AGAP1: variants seen among roughly 807,000 people sequenced by gnomAD.
AGAP1 encodes the protein ArfGAP with GTPase domain, ankyrin repeat and PH domain 1, also known as arf-GAP with GTPase, ANK repeat and PH domain-containing protein 1.
A neutral mutation model predicts 105.3 loss-of-function variants in AGAP1; 29 were observed. The observed-to-expected ratio is 0.28, with a 90% CI of 0.21 to 0.38. The LOEUF is 0.38. Among genes scored for constraint, AGAP1 ranks in the 10% least tolerant of loss-of-function variants. The pLI, the probability that AGAP1 is intolerant of heterozygous loss-of-function variation, is 1.00. For missense variants in AGAP1, 998 were observed against 1,165.1 expected, an observed-to-expected ratio of 0.86 and a Z score of 2.09; for synonymous variants, 509 against 485.9, an observed-to-expected ratio of 1.05 and a Z score of -0.63.
chr2:235,686,654 TATATA>T (rs1559351075), intron 1 of AGAP1, among the ~76,000 whole-genome samples: 20 of 63,302 alleles, frequency 3.2e-4, no homozygotes, highest in African/African-American at 5.0e-4. Flanking sequence ...TAGATATATA[TATATA>T]TATATATTTT....
rs1295357056 is a variant in AGAP1 at position 235,606,492 on chromosome 2, TATCAC to T, written c.164-102683_164-102679del. On this transcript the variant is annotated intron_variant, in intron 1 of 17. Coordinates refer to ENST00000304032, the MANE Select transcript of AGAP1 (RefSeq NM_001037131.3). ...CTGGGTTTATGTTTGGAATGTCTAGTATCACATCCATAATGAACCTTTTTTTAAAA... is the reference window on the plus strand; with the variant it reads ...CTGGGTTTATGTTTGGAATGTCTAGTATCCATAATGAACCTTTTTTTAAAA... Among the ~76,000 whole-genome samples the T allele has an allele frequency of 2.0e-5, 3 of 152,196 alleles. No homozygotes were observed. The East Asian group carries it at 5.8e-4, about 29-fold the overall frequency.
chr2:235,614,576 G>T lies in AGAP1; in HGVS notation c.164-94603G>T, dbSNP rs909571919. 3.9e-5 allele frequency among the ~76,000 whole-genome samples: 6 copies of T among 152,198 alleles called. No individual in the cohort carries two copies. The highest frequency in any genetic ancestry group is 7.3e-5 in the Non-Finnish European group (5 of 68,034). ...TTGAATGCTGTCTGGTGTAAAATCT[G>T]TTAGCAGTTTCACTTCCATCTGGAG... On this transcript the variant is annotated intron_variant, in intron 1 of 17. Coordinates refer to ENST00000304032, the MANE Select transcript of AGAP1 (RefSeq NM_001037131.3). The surrounding 1 kb of genome is among the most constrained non-coding windows in gnomAD (Gnocchi z 4.7).
rs1013985373 is a variant in AGAP1, at chr2:236,123,008, C to T, written c.2371-911C>T. Among the ~76,000 whole-genome samples, 1 of 152,052 alleles carries T rather than the reference C, an allele frequency of 6.6e-6. No homozygotes were observed. Among genetic ancestry groups the T allele is most frequent in the Non-Finnish European group, 1.5e-5 (1 of 68,016 alleles). On this transcript the variant is annotated intron_variant, in intron 17 of 17. Transcript: ENST00000304032. This position sits in a 1 kb window ranked among gnomAD's most constrained non-coding sequence, Gnocchi z 4.6. ...CCAGTGACAATTTTTACAAAGTGTG[C>T]ACAGTTGAGGGGAGAGTTCTGAATT...
intron 1 of AGAP1, among the ~76,000 whole-genome samples, chr2:235,676,608 T>C (rs1328885232): frequency 6.6e-6 from 1 of 152,236 alleles, no homozygotes; most frequent in Non-Finnish European, 1.5e-5. Context: ...GTTCCCCAGA[T>C]CCTTATGACT....
rs796106078 is a variant in AGAP1, at chr2:235,621,369, A to G, written c.164-87810A>G. Among the ~76,000 whole-genome samples, 29 of 152,304 alleles carry G rather than the reference A, an allele frequency of 1.9e-4. No individual in the cohort carries two copies. The highest frequency in any genetic ancestry group is 6.7e-4 in the African/African-American group (28 of 41,586). Reference sequence around the variant, plus strand: ...CTTGGTTTCTTCATATGTTTCAATAAAATGGGTATGTTAACAGTCTCTACC... The same window carrying G: ...CTTGGTTTCTTCATATGTTTCAATAGAATGGGTATGTTAACAGTCTCTACC... On this transcript the variant is annotated intron_variant, in intron 1 of 17. Transcript: ENST00000304032. This position sits in a 1 kb window ranked among gnomAD's most constrained non-coding sequence, Gnocchi z 4.1.
intron 9 of AGAP1, among the ~76,000 whole-genome samples, chr2:235,870,010 A>G (rs1162187389): frequency 2.0e-5 from 3 of 152,182 alleles, no homozygotes; most frequent in Non-Finnish European, 4.4e-5. Context: ...TGTTGGTTCA[A>G]TTGAGTCAGA....
intron 15 of AGAP1, among the ~76,000 whole-genome samples, chr2:236,047,731 C>T (rs1375627586): frequency 6.7e-6 from 1 of 149,264 alleles, no homozygotes; most frequent in Non-Finnish European, 1.5e-5. Flanking sequence ...TCTCAAGGAG[C>T]TGGGATTACA....
At position 236,079,832 on chromosome 2, in the gene AGAP1, A is replaced by T. The variant is rs73996521; in HGVS notation, c.2114+30551A>T. On this transcript the variant is annotated intron_variant, in intron 16 of 17. Coordinates refer to ENST00000304032, the MANE Select transcript of AGAP1 (RefSeq NM_001037131.3). Reference sequence around the variant, plus strand: ...AACATGTATTCCACTGTTGCTGAAGACTAACACTCAAGGCACTGGTTACCA... The same window carrying T: ...AACATGTATTCCACTGTTGCTGAAGTCTAACACTCAAGGCACTGGTTACCA... Among the ~76,000 whole-genome samples, 728 of 152,292 alleles carry T rather than the reference A, an allele frequency of 4.8e-3. 6 individuals are homozygous for T. Among genetic ancestry groups the T allele is most frequent in the African/African-American group, 0.016 (670 of 41,568 alleles).
intron 1 of AGAP1, among the ~76,000 whole-genome samples, chr2:235,697,566 A>C (rs898543359): frequency 2.6e-5 from 4 of 151,920 alleles, no homozygotes; most frequent in Non-Finnish European, 2.9e-5. Flanking sequence ...TGCTCCCTTC[A>C]CCTTGCCCCA....
chr2:235,732,450 G>A lies in AGAP1; in HGVS notation c.311-8513G>A, dbSNP rs115689402. ...ATTGTTTCAAATTCTCATACTGGAG[G>A]TTCTCGTCTCCTGGAATGGCTGTTC... On this transcript the variant is annotated intron_variant, in intron 3 of 17. Transcript: ENST00000304032. This position sits in a 1 kb window ranked among gnomAD's most constrained non-coding sequence, Gnocchi z 4.8. Among the ~76,000 whole-genome samples, 638 of 152,274 alleles carry A rather than the reference G, an allele frequency of 4.2e-3. 2 individuals carry two copies. The highest frequency in any genetic ancestry group is 6.4e-3 in the Non-Finnish European group (435 of 68,034).
intron 6 of AGAP1, among the ~76,000 whole-genome samples, chr2:235,772,160 G>A (rs1420764300): frequency 1.4e-5 from 2 of 137,936 alleles, no homozygotes; most frequent in Admixed American, 8.2e-5. Context: ...CACCATGCCT[G>A]GCTAATTTTT....
rs964304638 is a variant in AGAP1, at chr2:235,889,488, C to T, written c.1155+6039C>T. ...GGCCCTGGGATGTCACTTTCCTTCC[C>T]ACTTAATTGCTTTGGATTTCTCTTT... On this transcript the variant is annotated intron_variant, in intron 10 of 17. Transcript: ENST00000304032. This position sits in a 1 kb window ranked among gnomAD's most constrained non-coding sequence, Gnocchi z 4.6. Among the ~76,000 whole-genome samples, 6 of 151,918 alleles carry T rather than the reference C, an allele frequency of 3.9e-5. No homozygotes were observed. Among genetic ancestry groups the T allele is most frequent in the African/African-American group, 9.7e-5 (4 of 41,336 alleles).
chr2:235,823,444 C>T lies in AGAP1; in HGVS notation c.1050+16113C>T, dbSNP rs74729304. ...AGCCACCACGCCCAGCTCTAGAGTG[C>T]TTTTCCCTGTGCTCGCACCAGAATT... On this transcript the variant is annotated intron_variant, in intron 9 of 17. Coordinates refer to ENST00000304032, the MANE Select transcript of AGAP1 (RefSeq NM_001037131.3). 5.0e-3 allele frequency among the ~76,000 whole-genome samples: 768 copies of T among 152,194 alleles called. 6 individuals carry two copies. The highest frequency in any genetic ancestry group is 0.017 in the African/African-American group (723 of 41,506).
chr2:235,852,135 T>C (rs1218241969), intron 9 of AGAP1, among the ~76,000 whole-genome samples: 1 of 152,122 alleles, frequency 6.6e-6, no homozygotes, highest in Non-Finnish European at 1.5e-5. Context: ...TTAAAACTAA[T>C]ATATGCCTGA....
At chr2:235,681,260 C>T (rs751095687) in intron 1 of AGAP1, among the ~76,000 whole-genome samples, 16 of 152,212 alleles carry the variant, frequency 1.1e-4, no homozygotes, top group Admixed American at 9.2e-4. Flanking sequence ...CTGCCCTCCT[C>T]GGCCTCCCAA....
At chr2:235,624,589 G>T (rs142929054) in intron 1 of AGAP1, among the ~76,000 whole-genome samples, 1 of 152,192 alleles carries the variant, frequency 6.6e-6, no homozygotes, top group African/African-American at 2.4e-5. Flanking sequence ...GCTGTAAAGT[G>T]TATGTGCGTG....
At position 235,824,019 on chromosome 2, in the gene AGAP1, A is replaced by G. The variant is rs1051055343; in HGVS notation, c.1050+16688A>G. ...CAAACCCAGGTCTGCCTATCCTAAA[A>G]CCAGTGGTCTTCACATTGAAGGGCC... On this transcript the variant is annotated intron_variant, in intron 9 of 17. Transcript: ENST00000304032. The surrounding 1 kb of genome is among the most constrained non-coding windows in gnomAD (Gnocchi z 5.2). Among the ~76,000 whole-genome samples the G allele has an allele frequency of 6.6e-6, 1 of 152,264 alleles. No individual in the cohort carries two copies. Among genetic ancestry groups the G allele is most frequent in the Admixed American group, 6.5e-5 (1 of 15,296 alleles).
intron 16 of AGAP1, among the ~76,000 whole-genome samples, chr2:236,100,862 G>C (rs914862019): frequency 7.3e-5 from 11 of 151,266 alleles, no homozygotes; most frequent in African/African-American, 2.7e-4. Flanking sequence ...AGTTGAGAAA[G>C]AAAACCCAAC....
chr2:235,739,825 A>G lies in AGAP1; in HGVS notation c.311-1138A>G, dbSNP rs1166227494. Reference sequence around the variant, plus strand: ...CTTCTCAGGCACTGATGTGGTTCAGACCCAGGATTCTAGGAGGGAAGGTTC... The same window carrying G: ...CTTCTCAGGCACTGATGTGGTTCAGGCCCAGGATTCTAGGAGGGAAGGTTC... On this transcript the variant is annotated intron_variant, in intron 3 of 17. Coordinates refer to ENST00000304032, the MANE Select transcript of AGAP1 (RefSeq NM_001037131.3). This position sits in a 1 kb window ranked among gnomAD's most constrained non-coding sequence, Gnocchi z 5.3. Among the ~76,000 whole-genome samples, 1 of 152,096 alleles carries G rather than the reference A, an allele frequency of 6.6e-6. No individual in the cohort carries two copies. The highest frequency in any genetic ancestry group is 2.4e-5 in the African/African-American group (1 of 41,424).
Sources: allele counts gnomAD v4.1 joint callset (sites outside exome capture counted in the v4.1 genomes callset), GRCh38; gene constraint gnomAD v4.1.1; non-coding constraint Gnocchi (gnomAD v3.1); transcripts MANE v1.5; gene names NCBI Gene and HGNC (gene_info 2026-07-23, HGNC 2026-07-21).